AJM1: variants seen among roughly 807,000 people sequenced by gnomAD.
The protein encoded by AJM1 is apical junction component 1 homolog, also known as uncharacterized protein C9orf172.
AJM1 carries 22 observed loss-of-function variants against 43.0 expected under a neutral mutation model. The observed-to-expected ratio is 0.51, with a 90% CI of 0.37 to 0.73. AJM1 has a LOEUF of 0.73. AJM1 is among the 30% of genes least tolerant of loss of function. The pLI, the probability that AJM1 is intolerant of heterozygous loss-of-function variation, is 0.00. For synonymous variants in AJM1, 719 were observed against 638.3 expected (o/e 1.13, Z -1.91); for missense variants, 1,305 against 1,343.3 (o/e 0.97, Z 0.45).
At position 136,847,438 on chromosome 9, in the gene AJM1, G is replaced by A; in HGVS notation, c.*93G>A. On this transcript the variant is annotated 3_prime_UTR_variant, in exon 3 of 3. Transcript: ENST00000436881. ...CCGGCCCACCCAGGGCCGCCCCCGA[G>A]CCCCGCCAGGGCCCCACCCCGACTT... 9.7e-7 allele frequency: 1 copy of A among 1,034,620 alleles called. No homozygotes were observed. The allele number at this position is 1,034,620 out of a possible 1,614,324, so 64.1% of individuals were successfully genotyped here.
rs1848803278 is a variant in AJM1, at chr9:136,847,866, C to T, written c.*521C>T. On this transcript the variant is annotated 3_prime_UTR_variant, in exon 3 of 3. Coordinates refer to ENST00000436881, the MANE Select transcript of AJM1 (RefSeq NM_001080482.5). ...AAGCCCGACGTAACCAAAGCCCAGT[C>T]TGTCACTTTAAACACGCCCCGCCCC... The T allele has an allele frequency of 6.5e-6, 1 of 153,414 alleles. No homozygotes were observed. Among genetic ancestry groups the T allele is most frequent in the Admixed American group, 6.5e-5 (1 of 15,320 alleles). 9.5% of individuals were successfully genotyped at this position (153,414 alleles called of 1,614,324 possible).
Position 136,847,416 on chromosome 9 carries a change from G to C in AJM1, c.*71G>C. ...GCCCTGCCCACTCAGGCCCCGCCCG[G>C]CCCACCCAGGGCCGCCCCCGAGCCC... On this transcript the variant is annotated 3_prime_UTR_variant, in exon 3 of 3. Coordinates refer to ENST00000436881, the MANE Select transcript of AJM1 (RefSeq NM_001080482.5). 1.6e-6 allele frequency: 2 copies of C among 1,284,598 alleles called. No individual in the cohort carries two copies. The highest frequency in any genetic ancestry group is 2.0e-6 in the Non-Finnish European group (2 of 984,946). The allele number at this position is 1,284,598 out of a possible 1,614,324, so 79.6% of individuals were successfully genotyped here.
Position 136,846,927 on chromosome 9 carries a change from G to A in AJM1, c.2513G>A (p.Arg838His), listed in dbSNP as rs1588382412. The change falls in exon 3 of 3, where the codon CGC becomes CAC. Residue 838 changes from arginine (R) to histidine (H), a missense_variant. By Grantham distance (29) the Arg-to-His change is conservative. Around this residue, in one of 6 missense-constraint regions of AJM1, gnomAD observed 391 missense variants for 507.5 expected, o/e 0.77. Transcript: ENST00000436881. ...CCGGCCCTGCCCGCGCCCGCGCCAC[G>A]CAGCCACGGGCCAACAGTGCGCAAG... ...GTPALPAPAP[R>H]SHGPTVRKFA... The A allele has an allele frequency of 2.1e-6, 3 of 1,429,088 alleles. No homozygotes were observed. The highest frequency in any genetic ancestry group is 1.4e-5 in the South Asian group (1 of 73,882). The allele number at this position is 1,429,088 out of a possible 1,614,324, so 88.5% of individuals were successfully genotyped here.
Position 136,846,486 on chromosome 9 carries a change from C to A in AJM1, c.2072C>A (p.Thr691Asn). ...LYFKSCHSCYTYYCSRLCRRE... is the reference protein window; with the variant it reads ...LYFKSCHSCYNYYCSRLCRRE... ...TTCAAGTCCTGCCACAGCTGCTACA[C>A]CTACTACTGCTCGCGCCTGTGCCGC... Residue 691 changes from threonine (T) to asparagine (N), a missense_variant, in exon 3 of 3, where the codon ACC becomes AAC. This residue lies in a region of AJM1 where 391 missense variants were observed against 507.5 expected (regional missense o/e 0.77). Coordinates refer to ENST00000436881, the MANE Select transcript of AJM1 (RefSeq NM_001080482.5). 6.3e-7 allele frequency: 1 copy of A among 1,592,498 alleles called. No individual in the cohort carries two copies. The highest frequency in any genetic ancestry group is 8.5e-7 in the Non-Finnish European group (1 of 1,176,030).
rs1247254265 is a variant in AJM1 at position 136,844,199 on chromosome 9, C to G, written c.-140C>G. Among the ~76,000 whole-genome samples, 5 of 152,228 alleles carry G rather than the reference C, an allele frequency of 3.3e-5. No homozygotes were observed. The highest frequency in any genetic ancestry group is 7.3e-5 in the Non-Finnish European group (5 of 68,040). On this transcript the variant is annotated 5_prime_UTR_variant, in exon 2 of 3. Transcript: ENST00000436881. ...GACAGCTGGGTTCCTCCCGCAGGTG[C>G]TTCTGACCCCGGCATGGAGGAAGCG...
rs1333512034 is a variant in AJM1 at position 136,844,136 on chromosome 9, C to G, written c.-143-60C>G. 2.6e-5 allele frequency among the ~76,000 whole-genome samples: 4 copies of G among 152,338 alleles called. No individual in the cohort carries two copies. In the East Asian group the frequency reaches 7.7e-4, roughly 29 times the overall value. On this transcript the variant is annotated intron_variant, in intron 1 of 2. Coordinates refer to ENST00000436881, the MANE Select transcript of AJM1 (RefSeq NM_001080482.5). ...CCTTTCTGGCCCGCCCGCCCCATCG[C>G]AGGGAGAGGACGGGGGGACGGGCAG...
rs532371185 is a variant in AJM1, at chr9:136,844,600, G to A, written c.186G>A (p.Pro62=). ...ACTTCCTGGAGGCGCTGGACGGGCC[G>A]GCCATGGAGACCCTGCCGGAGCCAC... ...SFDFLEALDG[P]AMETLPEPPP... Residue 62 remains proline (P), a synonymous_variant, in exon 3 of 3, where the codon CCG becomes CCA. Transcript: ENST00000436881. The A allele has an allele frequency of 3.9e-5, 62 of 1,580,560 alleles. No individual in the cohort carries two copies. Among genetic ancestry groups the A allele is most frequent in the African/African-American group, 5.4e-5 (4 of 74,058 alleles).
In AJM1 at chr9:136,846,992, C is replaced by T. The variant is rs1848785741; in HGVS notation, c.2578C>T (p.Pro860Ser). 9.0e-6 allele frequency: 11 copies of T among 1,223,384 alleles called. No homozygotes were observed. Among genetic ancestry groups the T allele is most frequent in the South Asian group, 6.9e-5 (4 of 57,964 alleles). The allele number at this position is 1,223,384 out of a possible 1,614,324, so 75.8% of individuals were successfully genotyped here. Residue 860 changes from proline (P) to serine (S), a missense_variant, in exon 3 of 3, where the codon CCG becomes TCG. Transcript: ENST00000436881. ...GCTGGCGGCCGGCAGCCCCGCGCGG[C>T]CGCCCCCGGCGCGGAGCCGCGAGCC... ...VALAAGSPAR[P>S]PPARSREPDM...
At position 136,847,291 on chromosome 9, in the gene AJM1, G is replaced by A. The variant is rs1848791686; in HGVS notation, c.2877G>A (p.Glu959=). 4 of 1,556,614 alleles carry A rather than the reference G, an allele frequency of 2.6e-6. No homozygotes were observed. The highest frequency in any genetic ancestry group is 3.5e-6 in the Non-Finnish European group (4 of 1,156,546). ...PFMCMIMAAS[E]PRALDWVASA... The stretch of plus-strand genomic sequence containing the variant: ...TGTGCATGATCATGGCCGCCTCCGA[G>A]CCGCGCGCGCTCGACTGGGTGGCCA... Residue 959 remains glutamate, a synonymous_variant, in exon 3 of 3, where the codon GAG becomes GAA. Coordinates refer to ENST00000436881, the MANE Select transcript of AJM1 (RefSeq NM_001080482.5).
rs10870132 is a variant in AJM1, at chr9:136,845,191, T to C, written c.777T>C (p.Pro259=). The C allele has an allele frequency of 0.78, 1,243,650 of 1,586,798 alleles. 488,029 individuals carry two copies. Among genetic ancestry groups the C allele is most frequent in the East Asian group, 0.89 (39,082 of 44,076 alleles). Residue 259 remains proline (P), a synonymous_variant, in exon 3 of 3, where the codon CCT becomes CCC. Coordinates refer to ENST00000436881, the MANE Select transcript of AJM1 (RefSeq NM_001080482.5). ...CGTTCTACTGCGACGGGCCCCTGCC[T>C]GGGCCCCGGGACTACGCCGAGCGCC... The part of the protein sequence containing the change: ...PRAFYCDGPL[P]GPRDYAERRS...
At chr9:136,843,485 A>G (rs1848729812) in intron 1 of AJM1, among the ~76,000 whole-genome samples, 1 of 152,180 alleles carries the variant, frequency 6.6e-6, no homozygotes, top group South Asian at 2.1e-4. Flanking sequence ...TGCGCAGCTC[A>G]GAGGAGGGGC....
chr9:136,845,200 G>A lies in AJM1; in HGVS notation c.786G>A (p.Arg262=), dbSNP rs1343376342. The change falls in exon 3 of 3, where the codon CGG becomes CGA. Residue 262 remains arginine, a synonymous_variant. Transcript: ENST00000436881. ...FYCDGPLPGP[R]DYAERRSLPF... ...GCGACGGGCCCCTGCCTGGGCCCCG[G>A]GACTACGCCGAGCGCCGCAGTCTGC... 3 of 1,588,806 alleles carry A rather than the reference G, an allele frequency of 1.9e-6. No homozygotes were observed. Among genetic ancestry groups the A allele is most frequent in the Non-Finnish European group, 2.6e-6 (3 of 1,175,448 alleles).
Position 136,847,484 on chromosome 9 carries a change from T to G in AJM1, c.*139T>G. The G allele has an allele frequency of 6.4e-6, 4 of 623,166 alleles. No individual in the cohort carries two copies. The highest frequency in any genetic ancestry group is 1.0e-5 in the Non-Finnish European group (4 of 398,004). The allele number at this position is 623,166 out of a possible 1,614,324, so 38.6% of individuals were successfully genotyped here. A position where few individuals can be genotyped will look rare whatever the true frequency, so the allele number is the denominator to read the frequency against. On this transcript the variant is annotated 3_prime_UTR_variant, in exon 3 of 3. Coordinates refer to ENST00000436881, the MANE Select transcript of AJM1 (RefSeq NM_001080482.5). ...GACTTCTTCTAGGCCCCGCCTCTAA[T>G]TCCCCAGCCTTCCAAGCTCCGCTCA...
rs749466349 is a variant in AJM1 at position 136,845,269 on chromosome 9, G to C, written c.855G>C (p.Glu285Asp). The C allele has an allele frequency of 5.0e-6, 8 of 1,607,748 alleles. No homozygotes were observed. The highest frequency in any genetic ancestry group is 2.7e-5 in the African/African-American group (2 of 74,988). ...GCCCCACCCAGTTCTTCTATACAGA[G>C]GAGCCCCAAGGCTTCCGGGGCAGCT... is the stretch of plus-strand genomic sequence containing the variant. ...PPGPTQFFYTEEPQGFRGSFA... is the reference protein window; with the variant it reads ...PPGPTQFFYTDEPQGFRGSFA... The change falls in exon 3 of 3, where the codon GAG (glutamate) becomes GAC (aspartate). Residue 285 changes from glutamate to aspartate, a missense_variant. Physicochemically the swap from Glu to Asp is conservative, Grantham distance 45. Around this residue, in one of 6 missense-constraint regions of AJM1, gnomAD observed 653 missense variants for 549.1 expected, o/e 1.19. Transcript: ENST00000436881.
Position 136,847,083 on chromosome 9 carries a change from C to T in AJM1, c.2669C>T (p.Ala890Val). 6.8e-7 allele frequency: 1 copy of T among 1,471,984 alleles called. No homozygotes were observed. Among genetic ancestry groups the T allele is most frequent in the Non-Finnish European group, 9.1e-7 (1 of 1,100,050 alleles). The allele number at this position is 1,471,984 out of a possible 1,614,324, so 91.2% of individuals were successfully genotyped here. A position where few individuals can be genotyped will look rare whatever the true frequency, so the allele number is the denominator to read the frequency against. ...GTAGLDQDGEAGRRAREVAFI... is the reference protein window; with the variant it reads ...GTAGLDQDGEVGRRAREVAFI... ...GCGGGCCTGGATCAGGACGGCGAGG[C>T]GGGCCGGCGCGCGCGCGAGGTGGCC... The change falls in exon 3 of 3, where the codon GCG becomes GTG. Residue 890 changes from alanine (A) to valine (V), a missense_variant. Around this residue, in one of 6 missense-constraint regions of AJM1, gnomAD observed 391 missense variants for 507.5 expected, o/e 0.77. Coordinates refer to ENST00000436881, the MANE Select transcript of AJM1 (RefSeq NM_001080482.5).
rs370877404 is a variant in AJM1 at position 136,845,525 on chromosome 9, G to T, written c.1111G>T (p.Ala371Ser). 6.3e-4 allele frequency: 1,011 copies of T among 1,597,310 alleles called. No homozygotes were observed. Among genetic ancestry groups the T allele is most frequent in the Non-Finnish European group, 7.6e-4 (892 of 1,173,070 alleles). Reference sequence around the variant, plus strand: ...CGAGGAGCCCCGGGCCCACTCCACCGCCCGCCCCTTTTACACGGAGGACTT... The same window carrying T: ...CGAGGAGCCCCGGGCCCACTCCACCTCCCGCCCCTTTTACACGGAGGACTT... ...VPEEPRAHST[A>S]RPFYTEDFGR... is the part of the protein sequence containing the mutation. The change falls in exon 3 of 3, where the codon GCC (alanine) becomes TCC (serine). Residue 371 changes from alanine to serine, a missense_variant. Physicochemically the swap from Ala to Ser is moderately conservative, Grantham distance 99 (BLOSUM62 1). This residue lies in a region of AJM1 where 653 missense variants were observed against 549.1 expected (regional missense o/e 1.19). Transcript: ENST00000436881.
intron 1 of AJM1, among the ~76,000 whole-genome samples, chr9:136,842,860 T>G (rs1388608045): frequency 6.6e-6 from 1 of 152,052 alleles, no homozygotes; most frequent in Non-Finnish European, 1.5e-5. Context: ...CACCGACAGC[T>G]GCAGCCAGCA....
At position 136,847,201 on chromosome 9, in the gene AJM1, G is replaced by C; in HGVS notation, c.2787G>C (p.Glu929Asp). The change falls in exon 3 of 3, where the codon GAG (glutamate) becomes GAC (aspartate). Residue 929 changes from glutamate (E) to aspartate (D), a missense_variant. Around this residue, in one of 6 missense-constraint regions of AJM1, gnomAD observed 116 missense variants for 113.4 expected, o/e 1.02. Coordinates refer to ENST00000436881, the MANE Select transcript of AJM1 (RefSeq NM_001080482.5). Reference protein sequence around the residue: ...RVYEQLCEFVEANRRFTPTTI... With the variant: ...RVYEQLCEFVDANRRFTPTTI... ...ACGAGCAGCTTTGCGAGTTCGTCGA[G>C]GCCAACAGGCGCTTCACGCCCACCA... is the stretch of plus-strand genomic sequence containing the variant. The C allele has an allele frequency of 6.2e-7, 1 of 1,605,832 alleles. No individual in the cohort carries two copies. Among genetic ancestry groups the C allele is most frequent in the African/African-American group, 1.3e-5 (1 of 74,714 alleles).
chr9:136,847,059 C>A lies in AJM1; in HGVS notation c.2645C>A (p.Ala882Glu). The A allele has an allele frequency of 7.1e-7, 1 of 1,399,060 alleles. No individual in the cohort carries two copies. The highest frequency in any genetic ancestry group is 1.5e-5 in the African/African-American group (1 of 66,510). The allele number at this position is 1,399,060 out of a possible 1,614,324, so 86.7% of individuals were successfully genotyped here. ...ATCCTGACGCCACCGCCGGGCACGG[C>A]GGGCCTGGATCAGGACGGCGAGGCG... ...TLILTPPPGT[A>E]GLDQDGEAGR... Residue 882 changes from alanine (A) to glutamate (E), a missense_variant, in exon 3 of 3, where the codon GCG becomes GAG. Physicochemically the swap from Ala to Glu is moderately radical, Grantham distance 107 (BLOSUM62 -1). Coordinates refer to ENST00000436881, the MANE Select transcript of AJM1 (RefSeq NM_001080482.5).
Sources: allele counts gnomAD v4.1 joint callset (sites outside exome capture counted in the v4.1 genomes callset), GRCh38; gene constraint gnomAD v4.1.1; regional missense constraint gnomAD v4.1.1; transcripts MANE v1.5; gene names NCBI Gene and HGNC (gene_info 2026-07-23, HGNC 2026-07-21).